The following STIM1 variants were observed in gnomAD, a reference collection of about 807,000 sequenced individuals.
STIM1 encodes the protein stromal interaction molecule 1.
A neutral mutation model predicts 74.7 loss-of-function variants in STIM1; 25 were observed. The ratio of observed to expected loss-of-function variants is 0.33; its 90% CI spans 0.24 to 0.47. STIM1 has a LOEUF of 0.47. STIM1 is among the 20% of genes least tolerant of loss of function. The pLI is 1.00. For missense variants in STIM1, 728 were observed against 920.8 expected (o/e 0.79, Z 2.71); for synonymous variants, 328 against 348.8 (o/e 0.94, Z 0.66).
chr11:3,960,379 G>A (rs1370551841), intron 1 of STIM1, among the ~76,000 whole-genome samples: 2 of 152,102 alleles, frequency 1.3e-5, no homozygotes, highest in Admixed American at 1.3e-4. Context: ...CAGTTTTCCT[G>A]GATTAAAAGC....
chr11:4,010,201 G>T (rs1368032546), intron 2 of STIM1, among the ~76,000 whole-genome samples: 1 of 144,480 alleles, frequency 6.9e-6, no homozygotes, highest in African/African-American at 2.5e-5. Context: ...GACAGAGTCT[G>T]GCCTTGTCAT....
At chr11:3,926,312 G>C (rs530069819) in intron 1 of STIM1, among the ~76,000 whole-genome samples, 3 of 152,146 alleles carry the variant, frequency 2.0e-5, no homozygotes, top group Admixed American at 6.6e-5. Context: ...TGTGGTAAGC[G>C]ATACCGAAAT....
intron 2 of STIM1, among the ~76,000 whole-genome samples, chr11:3,982,109 C>T (rs1390066086): frequency 6.6e-6 from 1 of 152,066 alleles, no homozygotes; most frequent in Non-Finnish European, 1.5e-5. Flanking sequence ...TTACTGCAGC[C>T]TCAAACTCCT....
chr11:3,859,145 G>A lies in STIM1; in HGVS notation c.139+2736G>A, dbSNP rs370751860. Among the ~76,000 whole-genome samples, 7 of 152,256 alleles carry A rather than the reference G, an allele frequency of 4.6e-5. No individual in the cohort carries two copies. In the East Asian group the frequency reaches 9.6e-4, roughly 21 times the overall value. On this transcript the variant is annotated intron_variant, in intron 1 of 12. Coordinates refer to ENST00000526596, the MANE Select transcript of STIM1 (RefSeq NM_001382567.1). Reference sequence around the variant, plus strand: ...CTCTTTTGGATGTATATACCCATCTGTCTCTTTTTAGTTAGTTAAAATATT... The same window carrying A: ...CTCTTTTGGATGTATATACCCATCTATCTCTTTTTAGTTAGTTAAAATATT...
At chr11:3,906,675 T>C (rs1375818980) in intron 1 of STIM1, among the ~76,000 whole-genome samples, 1 of 152,208 alleles carries the variant, frequency 6.6e-6, no homozygotes, top group Non-Finnish European at 1.5e-5. Flanking sequence ...GTCTAGGTGC[T>C]TTAGAAATAC....
chr11:3,864,760 T>C (rs780300095), intron 1 of STIM1, among the ~76,000 whole-genome samples: 25 of 152,236 alleles, frequency 1.6e-4, no homozygotes, highest in Admixed American at 1.3e-4. Flanking sequence ...GCCTCTGAGA[T>C]TGCCCAAGGG....
intron 1 of STIM1, among the ~76,000 whole-genome samples, chr11:3,866,429 C>CTTTTTT (rs375183049): frequency 7.3e-6 from 1 of 136,790 alleles, no homozygotes; most frequent in Non-Finnish European, 1.6e-5. Context: ...CTTGCTATGT[C>CTTTTTT]TTTTTTTTTT....
At chr11:4,086,933 C>T in intron 12 of STIM1, 1 of 1,483,590 alleles carries the variant, frequency 6.7e-7, no homozygotes, top group East Asian at 2.5e-5. Flanking sequence ...TTCTGCCTGC[C>T]AGCTGCTGCT....
chr11:3,963,934 G>A (rs1172395017), intron 1 of STIM1, among the ~76,000 whole-genome samples: 5 of 152,158 alleles, frequency 3.3e-5, no homozygotes, highest in Non-Finnish European at 7.3e-5. Context: ...AAAAGAAGAT[G>A]GGAACTGTTT....
intron 1 of STIM1, among the ~76,000 whole-genome samples, chr11:3,857,181 A>C (rs1470598633): frequency 7.9e-6 from 1 of 126,972 alleles, no homozygotes; most frequent in African/African-American, 3.1e-5. Flanking sequence ...GGTTTTTCCT[A>C]TGCAGTTGTG....
chr11:4,050,057 A>T (rs2094227213), intron 3 of STIM1, among the ~76,000 whole-genome samples: 1 of 152,138 alleles, frequency 6.6e-6, no homozygotes, highest in Non-Finnish European at 1.5e-5. Flanking sequence ...GTTCAGGTTC[A>T]TTTTATCCCA....
rs555266228 is a variant in STIM1, at chr11:4,024,953, C to T, written c.385+966C>T. On this transcript the variant is annotated intron_variant, in intron 3 of 12. Coordinates refer to ENST00000526596, the MANE Select transcript of STIM1 (RefSeq NM_001382567.1). Reference sequence around the variant, plus strand: ...TAAGACTAGAAGAAATCTCTCTTCCCAGGGTCTCTTAGGGCAGGTTCTGAT... The same window carrying T: ...TAAGACTAGAAGAAATCTCTCTTCCTAGGGTCTCTTAGGGCAGGTTCTGAT... 7.9e-5 allele frequency among the ~76,000 whole-genome samples: 12 copies of T among 152,280 alleles called. No individual in the cohort carries two copies. The South Asian group carries it at 1.7e-3, about 21-fold the overall frequency.
At chr11:3,895,313 C>T (rs1590536683) in intron 1 of STIM1, among the ~76,000 whole-genome samples, 3 of 152,274 alleles carry the variant, frequency 2.0e-5, no homozygotes, top group Middle Eastern at 3.4e-3. Flanking sequence ...TGCAAATACT[C>T]CTTCCCTTTA....
intron 1 of STIM1, among the ~76,000 whole-genome samples, chr11:3,892,142 A>G (rs2135381705): frequency 6.6e-6 from 1 of 152,302 alleles, no homozygotes; most frequent in East Asian, 1.9e-4. Flanking sequence ...GTAGGGCTGT[A>G]CTTTGTTTTT....
chr11:3,908,395 G>A (rs1263974985), intron 1 of STIM1, among the ~76,000 whole-genome samples: 1 of 152,090 alleles, frequency 6.6e-6, no homozygotes, highest in Non-Finnish European at 1.5e-5. Context: ...GGTGAATCAC[G>A]AGGTCAGGAG....
chr11:4,091,340 G>A lies in STIM1; in HGVS notation c.1693G>A (p.Ala565Thr), dbSNP rs1161147370. 2 of 1,614,144 alleles carry A rather than the reference G, an allele frequency of 1.2e-6. No individual in the cohort carries two copies. Among genetic ancestry groups the A allele is most frequent in the East Asian group, 2.2e-5 (1 of 44,878 alleles). Residue 565 changes from alanine (A) to threonine (T), a missense_variant, in exon 13 of 13, where the codon GCC (alanine) becomes ACC (threonine). Physicochemically the swap from Ala to Thr is moderately conservative, Grantham distance 58. This residue lies in a region of STIM1 where 352 missense variants were observed against 370.1 expected (regional missense o/e 0.95). Transcript: ENST00000526596. ...SLHMSDRQRV[A>T]PKPPQMSRAA... ...CCACATGAGTGACCGCCAGCGTGTG[G>A]CCCCCAAACCTCCTCAGATGAGCCG... is the stretch of plus-strand genomic sequence containing the variant.
intron 1 of STIM1, among the ~76,000 whole-genome samples, chr11:3,881,934 A>G (rs996407438): frequency 5.9e-5 from 9 of 151,788 alleles, no homozygotes; most frequent in African/African-American, 2.2e-4. Flanking sequence ...AGCCTCCCAA[A>G]GTGCTGGGAT....
chr11:4,084,745 A>G lies in STIM1; in HGVS notation c.1547A>G (p.Gln516Arg), dbSNP rs1488121877. 1 of 1,289,254 alleles carries G rather than the reference A, an allele frequency of 7.8e-7. No individual in the cohort carries two copies. The highest frequency in any genetic ancestry group is 1.5e-5 in the African/African-American group (1 of 65,840). The allele number at this position is 1,289,254 out of a possible 1,614,324, so 79.9% of individuals were successfully genotyped here. A position where few individuals can be genotyped will look rare whatever the true frequency, so the allele number is the denominator to read the frequency against. The change falls in exon 11 of 13, where the codon CAG (glutamine) becomes CGG (arginine). Residue 516 changes from glutamine to arginine, a missense_variant. Physicochemically the swap from Gln to Arg is conservative, Grantham distance 43. This residue lies in a region of STIM1 where 352 missense variants were observed against 370.1 expected (regional missense o/e 0.95). Coordinates refer to ENST00000526596, the MANE Select transcript of STIM1 (RefSeq NM_001382567.1). ...TCTACATCCGCCGGCTCGGATGATC[A>G]GTCCCTCTGGAAATACCCCGGTTTG... The part of the protein sequence containing the change: ...LCSTSAGSDD[Q>R]SLWKYPAPSL...
At chr11:3,916,310 A>G (rs2092642058) in intron 1 of STIM1, among the ~76,000 whole-genome samples, 1 of 151,606 alleles carries the variant, frequency 6.6e-6, no homozygotes, top group South Asian at 2.1e-4. Flanking sequence ...TAATTGAGAC[A>G]GAGTCTCGCT....
Sources: allele counts gnomAD v4.1 joint callset (sites outside exome capture counted in the v4.1 genomes callset), GRCh38; gene constraint gnomAD v4.1.1; regional missense constraint gnomAD v4.1.1; transcripts MANE v1.5; gene names NCBI Gene and HGNC (gene_info 2026-07-23, HGNC 2026-07-21).